VAT1L: variants seen among roughly 807,000 people sequenced by gnomAD.
VAT1L encodes putative NADPH-dependent quinone oxidoreductase VAT1L.
Under a neutral mutation model 44.1 loss-of-function variants are expected in VAT1L, and 34 were observed. The observed-to-expected ratio is 0.77, with a 90% CI of 0.59 to 1.03. The LOEUF is 1.03. VAT1L is among the 50% of genes least tolerant of loss of function. The pLI, the probability that VAT1L is intolerant of heterozygous loss-of-function variation, is 0.00. For missense variants in VAT1L, 615 were observed against 538.8 expected (o/e 1.14, Z -1.40); for synonymous variants, 253 against 202.2 (o/e 1.25, Z -2.13).
intron 7 of VAT1L, among the ~76,000 whole-genome samples, chr16:77,916,047 C>T (rs545001983): frequency 3.9e-5 from 6 of 152,276 alleles, no homozygotes; most frequent in East Asian, 1.9e-4. Context: ...TCTGGGAATG[C>T]GGAACATTAA....
chr16:77,917,053 A>G (rs1452033953), intron 7 of VAT1L, among the ~76,000 whole-genome samples: 2 of 152,242 alleles, frequency 1.3e-5, no homozygotes, highest in Non-Finnish European at 1.5e-5. Context: ...AAGGATTTAG[A>G]TAAGAGATAT....
At chr16:77,910,371 T>G (rs2142484559) in intron 7 of VAT1L, among the ~76,000 whole-genome samples, 1 of 152,258 alleles carries the variant, frequency 6.6e-6, no homozygotes, top group African/African-American at 2.4e-5. Context: ...ACAGTATCAC[T>G]TCCTAAGAAT....
At position 77,788,631 on chromosome 16, in the gene VAT1L, G is replaced by GCCGCAGCCA. The variant is rs375722641; in HGVS notation, c.-34_-26dup. On this transcript the variant is annotated 5_prime_UTR_variant, in exon 1 of 9. Transcript: ENST00000302536. ...GGGAGAGGAGCCCCACTCCCCCAGC[G>GCCGCAGCCA]CCGCAGCCACCGCAGCCACCGCAGC... 8.7e-4 allele frequency: 1,342 copies of GCCGCAGCCA among 1,538,722 alleles called. 14 individuals are homozygous for GCCGCAGCCA. In the African/African-American group the frequency reaches 0.015, roughly 17 times the overall value.
chr16:77,822,892 C>A (rs2145243951), intron 2 of VAT1L, among the ~76,000 whole-genome samples: 1 of 152,198 alleles, frequency 6.6e-6, no homozygotes, highest in Non-Finnish European at 1.5e-5. Flanking sequence ...AACCCGAACC[C>A]CTGCCCCCGA....
chr16:77,968,608 C>T (rs978518481), intron 7 of VAT1L, among the ~76,000 whole-genome samples: 6 of 151,768 alleles, frequency 4.0e-5, no homozygotes, highest in African/African-American at 1.2e-4. Flanking sequence ...GCCTGTAGTC[C>T]CAGCTACTCA....
chr16:77,927,856 C>G (rs976221918), intron 7 of VAT1L, among the ~76,000 whole-genome samples: 2 of 152,146 alleles, frequency 1.3e-5, no homozygotes, highest in African/African-American at 4.8e-5. Context: ...GTGACAGAGA[C>G]TCCGTCTCAA....
chr16:77,933,073 T>C (rs1009715678), intron 7 of VAT1L, among the ~76,000 whole-genome samples: 3 of 152,270 alleles, frequency 2.0e-5, no homozygotes, highest in South Asian at 2.1e-4. Flanking sequence ...GAGAACCAGA[T>C]ATGGAAAAGT....
chr16:77,830,972 C>T (rs562668432), intron 3 of VAT1L, among the ~76,000 whole-genome samples: 17 of 152,360 alleles, frequency 1.1e-4, no homozygotes, highest in South Asian at 2.1e-4. Context: ...GCGTGAGCCA[C>T]CGCATCTGGC....
rs1476483994 is a variant in VAT1L, at chr16:77,788,579, A to G, written c.-104A>G. On this transcript the variant is annotated 5_prime_UTR_variant, in exon 1 of 9. Coordinates refer to ENST00000302536, the MANE Select transcript of VAT1L (RefSeq NM_020927.3). ...GGCTGCAGCCATTGCACAGCCGAGC[A>G]TCCCACATTCAACAGGAGGAACCCG... 3 of 1,314,260 alleles carry G rather than the reference A, an allele frequency of 2.3e-6. No homozygotes were observed. Among genetic ancestry groups the G allele is most frequent in the Non-Finnish European group, 3.1e-6 (3 of 955,550 alleles). 81.4% of individuals were successfully genotyped at this position (1,314,260 alleles called of 1,614,324 possible).
At chr16:77,975,938 C>T (rs1224601822) in intron 8 of VAT1L, among the ~76,000 whole-genome samples, 1 of 152,222 alleles carries the variant, frequency 6.6e-6, no homozygotes, top group African/African-American at 2.4e-5. Flanking sequence ...CAGGGTCTCC[C>T]TTTCCACTGC....
chr16:77,807,112 G>A (rs1349589874), intron 1 of VAT1L, among the ~76,000 whole-genome samples: 1 of 152,150 alleles, frequency 6.6e-6, no homozygotes, highest in East Asian at 1.9e-4. Context: ...AGGAACTGCC[G>A]TGCAAAGGAG....
At chr16:77,924,255 A>G (rs1410961698) in intron 7 of VAT1L, among the ~76,000 whole-genome samples, 5 of 152,100 alleles carry the variant, frequency 3.3e-5, no homozygotes, top group African/African-American at 1.2e-4. Flanking sequence ...GGTTTTCCTC[A>G]TGACTGCAGG....
chr16:77,834,079 T>C (rs560227087), intron 3 of VAT1L, among the ~76,000 whole-genome samples: 1 of 152,348 alleles, frequency 6.6e-6, no homozygotes, highest in Admixed American at 6.5e-5. Flanking sequence ...CATACCAATC[T>C]GTTCTTGTCA....
chr16:77,798,512 A>G (rs2015979799), intron 1 of VAT1L, among the ~76,000 whole-genome samples: 1 of 152,204 alleles, frequency 6.6e-6, no homozygotes, highest in African/African-American at 2.4e-5. Flanking sequence ...GATACATTTC[A>G]TATTTGTTGA....
chr16:77,881,504 G>A (rs1351282111), intron 6 of VAT1L, among the ~76,000 whole-genome samples: 1 of 152,242 alleles, frequency 6.6e-6, no homozygotes, highest in African/African-American at 2.4e-5. Context: ...TTAAAACAAA[G>A]TGGTCAGTGA....
intron 7 of VAT1L, among the ~76,000 whole-genome samples, chr16:77,896,423 C>T (rs891736986): frequency 2.0e-5 from 3 of 152,188 alleles, no homozygotes; most frequent in Non-Finnish European, 2.9e-5. Context: ...GAGAGAATAA[C>T]GCTACCTTCC....
intron 7 of VAT1L, 112 bp from the exon 8 acceptor site, chr16:77,971,738 G>T: frequency 2.6e-6 from 3 of 1,136,678 alleles, no homozygotes; most frequent in South Asian, 3.1e-5. Context: ...CACTAAACTT[G>T]AGCCGCAGCG....
At chr16:77,796,879 C>T (rs2015943611) in intron 1 of VAT1L, among the ~76,000 whole-genome samples, 1 of 152,106 alleles carries the variant, frequency 6.6e-6, no homozygotes, top group Non-Finnish European at 1.5e-5. Context: ...AACTCAGAAA[C>T]AGAAAGTCCA....
At chr16:77,808,723 G>T (rs2016208257) in intron 1 of VAT1L, among the ~76,000 whole-genome samples, 1 of 151,932 alleles carries the variant, frequency 6.6e-6, no homozygotes, top group African/African-American at 2.4e-5. Context: ...AGCCTCCCAC[G>T]TAGCTAGGAT....
Sources: gnomAD v4.1 joint callset for allele counts (sites outside exome capture counted in the v4.1 genomes callset) on GRCh38, gnomAD v4.1.1 for gene constraint, MANE v1.5 for transcripts, NCBI Gene and HGNC (gene_info 2026-07-23, HGNC 2026-07-21) for gene names.